The following PREP variants were observed in gnomAD, a reference collection of about 807,000 sequenced individuals.
The protein encoded by PREP is prolyl endopeptidase, also known as dJ355L5.1 (prolyl endopeptidase).
Under a neutral mutation model 87.6 loss-of-function variants are expected in PREP, and 29 were observed. That is an observed-to-expected ratio of 0.33 (90% CI 0.25 to 0.45). The LOEUF is 0.45. PREP is among the 20% of genes least tolerant of loss of function. The pLI is 1.00. For missense variants in PREP, 695 were observed against 886.5 expected (o/e 0.78, Z 2.74); for synonymous variants, 337 against 328.6 (o/e 1.03, Z -0.28).
chr6:105,309,151 G>A (rs1770708345), intron 10 of PREP, among the ~76,000 whole-genome samples: 1 of 152,004 alleles, frequency 6.6e-6, no homozygotes, highest in African/African-American at 2.4e-5. Context: ...GGGGTCTCAA[G>A]GGCATTGCTC....
intron 7 of PREP, among the ~76,000 whole-genome samples, chr6:105,341,518 G>C (rs1771648250): frequency 2.0e-5 from 3 of 151,940 alleles, no homozygotes; most frequent in Admixed American, 2.0e-4. Context: ...GCTAGCAGAA[G>C]GCAAGAAATA....
chr6:105,326,206 CCT>C (rs1771154212), intron 9 of PREP, among the ~76,000 whole-genome samples: 1 of 152,158 alleles, frequency 6.6e-6, no homozygotes, highest in South Asian at 2.1e-4. Flanking sequence ...ATTTCTCACC[CCT>C]GACTCCCAGA....
chr6:105,286,505 T>G (rs953197427), intron 11 of PREP, among the ~76,000 whole-genome samples: 1 of 152,146 alleles, frequency 6.6e-6, no homozygotes, highest in African/African-American at 2.4e-5. Flanking sequence ...GGATTTTGTT[T>G]CCCCCTTCTC....
intron 5 of PREP, among the ~76,000 whole-genome samples, chr6:105,372,481 C>T (rs967489175): frequency 2.6e-5 from 4 of 152,182 alleles, no homozygotes; most frequent in African/African-American, 9.7e-5. Context: ...GAAAATGACA[C>T]ATTGTACCAG....
Position 105,377,368 on chromosome 6 carries a change from C to A in PREP, c.254+18G>T. 1 of 1,576,754 alleles carries A rather than the reference C, an allele frequency of 6.3e-7. No homozygotes were observed. The highest frequency in any genetic ancestry group is 1.2e-5 in the South Asian group (1 of 84,544). On this transcript the variant is annotated intron_variant, in intron 3 of 14. Transcript: ENST00000652536. Reference sequence around the variant, plus strand: ...TTACTTTGAAAATAAAAAGGAAATTCAGTAAAAGCAGTCTCACCGTTTTCC... The same window carrying A: ...TTACTTTGAAAATAAAAAGGAAATTAAGTAAAAGCAGTCTCACCGTTTTCC...
chr6:105,279,767 A>G (rs1018821633), intron 14 of PREP, among the ~76,000 whole-genome samples: 11 of 152,216 alleles, frequency 7.2e-5, no homozygotes, highest in Non-Finnish European at 1.5e-5. Flanking sequence ...AAAACTGAAG[A>G]AGGAACATCA....
At chr6:105,378,161 T>C (rs748336073) in intron 2 of PREP, among the ~76,000 whole-genome samples, 8 of 152,218 alleles carry the variant, frequency 5.3e-5, no homozygotes, top group African/African-American at 9.6e-5. Flanking sequence ...CCAAAGAACA[T>C]TGAAAAAACA....
chr6:105,398,022 G>C (rs1047199672), intron 1 of PREP, 95 bp from the exon 2 acceptor site: 1 of 984,144 alleles, frequency 1.0e-6, no homozygotes, highest in Non-Finnish European at 1.5e-6. Flanking sequence ...GAAAGGGATG[G>C]ACAAAAATGC....
intron 1 of PREP, among the ~76,000 whole-genome samples, chr6:105,398,227 GA>G (rs1224676080): frequency 6.6e-6 from 1 of 152,192 alleles, no homozygotes; most frequent in Non-Finnish European, 1.5e-5. Context: ...AAAGAAACTT[GA>G]AAACGTGCTG....
intron 2 of PREP, among the ~76,000 whole-genome samples, chr6:105,379,590 G>C (rs904340762): frequency 2.6e-5 from 4 of 152,186 alleles, no homozygotes; most frequent in Non-Finnish European, 5.9e-5. Flanking sequence ...ATCACTCAGA[G>C]ACTGAAAAAG....
In PREP at chr6:105,351,777, G is replaced by A. The variant is rs565886206; in HGVS notation, c.823+1195C>T. Among the ~76,000 whole-genome samples, 9 of 152,322 alleles carry A rather than the reference G, an allele frequency of 5.9e-5. No homozygotes were observed. In the South Asian group the frequency reaches 1.9e-3, roughly 32 times the overall value. On this transcript the variant is annotated intron_variant, in intron 7 of 14. Transcript: ENST00000652536. Reference sequence around the variant, plus strand: ...CTTGCAACTCACGCAAACAATTCCTGGATGGTGGTTTGCCCTGACAGAGAA... The same window carrying A: ...CTTGCAACTCACGCAAACAATTCCTAGATGGTGGTTTGCCCTGACAGAGAA...
chr6:105,335,852 T>C (rs897518538), intron 7 of PREP, among the ~76,000 whole-genome samples: 8 of 151,886 alleles, frequency 5.3e-5, no homozygotes, highest in African/African-American at 1.7e-4. Flanking sequence ...AAGATTGAGA[T>C]TGCACCACTG....
intron 10 of PREP, among the ~76,000 whole-genome samples, chr6:105,305,550 C>T (rs552735712): frequency 3.3e-5 from 5 of 152,128 alleles, no homozygotes; most frequent in South Asian, 2.1e-4. Flanking sequence ...TGGGGAAAAA[C>T]GGGGCAGGGG....
At chr6:105,381,763 C>T (rs1423286898) in intron 2 of PREP, among the ~76,000 whole-genome samples, 2 of 152,132 alleles carry the variant, frequency 1.3e-5, no homozygotes, top group African/African-American at 4.8e-5. Context: ...CAAAGCAAAG[C>T]TTCAGTTATG....
At chr6:105,370,052 G>A (rs1772494565) in intron 5 of PREP, among the ~76,000 whole-genome samples, 1 of 152,026 alleles carries the variant, frequency 6.6e-6, no homozygotes, top group Non-Finnish European at 1.5e-5. Flanking sequence ...AGGAGTTCGA[G>A]ACCAGCCTGA....
chr6:105,378,763 ATAAG>A (rs918652579), intron 2 of PREP, among the ~76,000 whole-genome samples: 3 of 152,262 alleles, frequency 2.0e-5, no homozygotes, highest in African/African-American at 4.8e-5. Context: ...ATGTCTATAA[ATAAG>A]TAAATCATCA....
intron 5 of PREP, among the ~76,000 whole-genome samples, chr6:105,372,652 T>C (rs1259816178): frequency 6.6e-6 from 1 of 152,184 alleles, no homozygotes; most frequent in Non-Finnish European, 1.5e-5. Context: ...TCAAGATAAA[T>C]GGCAACCAAC....
chr6:105,274,637 A>T lies in PREP; in HGVS notation c.*3507T>A, dbSNP rs980212445. Among the ~76,000 whole-genome samples the T allele has an allele frequency of 1.3e-5, 2 of 152,148 alleles. No individual in the cohort carries two copies. Among genetic ancestry groups the T allele is most frequent in the Non-Finnish European group, 2.9e-5 (2 of 68,024 alleles). ...AAAAAGATTAGCCGGGAATGATGGT[A>T]TGCGCCTGTAATACCAGCTACTGGG... On this transcript the variant is annotated 3_prime_UTR_variant, in exon 15 of 15. Transcript: ENST00000652536.
chr6:105,376,835 G>C (rs561191773), intron 3 of PREP, among the ~76,000 whole-genome samples: 1 of 152,180 alleles, frequency 6.6e-6, no homozygotes, highest in African/African-American at 2.4e-5. Context: ...GCCAGGGTTT[G>C]GTAGGCAGAC....
Sources: allele counts gnomAD v4.1 joint callset (sites outside exome capture counted in the v4.1 genomes callset), GRCh38; gene constraint gnomAD v4.1.1; transcripts MANE v1.5; gene names NCBI Gene and HGNC (gene_info 2026-07-23, HGNC 2026-07-21).